Variants in RETSAT observed in about 807,000 individuals in gnomAD.
The protein encoded by RETSAT is retinol saturase.
In RETSAT, 35 loss-of-function variants were observed where a neutral mutation model predicts 61.6. The ratio of observed to expected loss-of-function variants is 0.57; its 90% confidence interval spans 0.43 to 0.75. The LOEUF (loss-of-function observed/expected upper bound fraction) is 0.75, where lower values mean the gene tolerates loss of function less well. RETSAT is among the 30% of genes least tolerant of loss of function. The pLI is 0.00. For missense variants in RETSAT, 670 were observed against 759.5 expected (o/e 0.88, Z 1.38); for synonymous variants, 277 against 310.4 (o/e 0.89, Z 1.13).
At chr2:85,351,885 TG>T (rs1558684251) in intron 1 of RETSAT, 23 bp from the exon 2 acceptor site, 1 of 1,607,708 alleles carries the variant, frequency 6.2e-7, no homozygotes, top group East Asian at 2.2e-5. Flanking sequence ...GGCCAAAGGG[TG>T]GGTTTCTCAG....
intron 2 of RETSAT, 112 bp from the exon 3 acceptor site, chr2:85,351,133 C>T (rs969848969): frequency 1.9e-5 from 25 of 1,291,966 alleles, no homozygotes; most frequent in Non-Finnish European, 2.7e-5. Context: ...AGTTCACGCC[C>T]AGAGTGAGCT....
chr2:85,347,352 C>A (rs1558682596), intron 5 of RETSAT, among the ~76,000 whole-genome samples: 1 of 152,172 alleles, frequency 6.6e-6, no homozygotes, highest in East Asian at 1.9e-4. Flanking sequence ...ATCCTGGCCT[C>A]CAAGTAGCTA....
chr2:85,351,106 T>C, intron 2 of RETSAT, 85 bp from the exon 3 acceptor site: 8 of 1,540,404 alleles, frequency 5.2e-6, no homozygotes, highest in Non-Finnish European at 7.1e-6. Flanking sequence ...GGTGGAAGAG[T>C]TTATCTGGCC....
intron 4 of RETSAT, 89 bp downstream of exon 4, chr2:85,349,951 G>C (rs1683269718): frequency 7.6e-7 from 1 of 1,318,974 alleles, no homozygotes; most frequent in African/African-American, 1.5e-5. Flanking sequence ...ATATCAGTCA[G>C]CCAGGCAGGG....
chr2:85,350,908 C>T lies in RETSAT; in HGVS notation c.469G>A (p.Val157Ile). 1 of 1,614,178 alleles carries T rather than the reference C, an allele frequency of 6.2e-7. No individual in the cohort carries two copies. Among genetic ancestry groups the T allele is most frequent in the South Asian group, 1.1e-5 (1 of 91,074 alleles). ...TTTCGGCCATTGGGCCCTTCCAGTACCATGATGTCAAAAGGAGAGGACAGG... is the reference window on the plus strand; with the variant it reads ...TTTCGGCCATTGGGCCCTTCCAGTATCATGATGTCAAAAGGAGAGGACAGG... ...APLSSPFDIM[V>I]LEGPNGRKEY... The change falls in exon 3 of 11, where the codon GTA (valine) becomes ATA (isoleucine). Residue 157 changes from valine (V) to isoleucine (I), a missense_variant. Coordinates refer to ENST00000295802, the MANE Select transcript of RETSAT (RefSeq NM_017750.4).
intron 5 of RETSAT, among the ~76,000 whole-genome samples, chr2:85,348,939 C>A (rs1051340183): frequency 1.3e-5 from 2 of 151,418 alleles, no homozygotes; most frequent in Non-Finnish European, 2.9e-5. Flanking sequence ...TTAGTAGAGA[C>A]GGGGTTTCAC....
Position 85,343,177 on chromosome 2 carries a change from T to C in RETSAT, c.*65A>G, listed in dbSNP as rs1457718743. On this transcript the variant is annotated 3_prime_UTR_variant, in exon 11 of 11. Coordinates refer to ENST00000295802, the MANE Select transcript of RETSAT (RefSeq NM_017750.4). ...GCAAGGAACTAATGCAGAAAGACAT[T>C]ATGGGTAAGTCAAGGGAGATGCCCC... The C allele has an allele frequency of 1.8e-5, 29 of 1,590,418 alleles. No homozygotes were observed. Among genetic ancestry groups the C allele is most frequent in the Non-Finnish European group, 2.2e-5 (26 of 1,164,060 alleles).
chr2:85,345,116 T>G (rs1338168784), intron 6 of RETSAT, among the ~76,000 whole-genome samples: 1 of 152,128 alleles, frequency 6.6e-6, no homozygotes, highest in Non-Finnish European at 1.5e-5. Context: ...ACCTCCCTGC[T>G]CTGCCCCTGG....
chr2:85,349,308 T>A, intron 5 of RETSAT, 76 bp downstream of exon 5: 10 of 1,418,660 alleles, frequency 7.0e-6, no homozygotes, highest in Non-Finnish European at 9.9e-6. Flanking sequence ...CTACTCCTTC[T>A]GGTCTCAGGG....
At position 85,345,966 on chromosome 2, in the gene RETSAT, G is replaced by T; in HGVS notation, c.1117+9C>A. 6.2e-7 allele frequency: 1 copy of T among 1,614,134 alleles called. No individual in the cohort carries two copies. The highest frequency in any genetic ancestry group is 8.5e-7 in the Non-Finnish European group (1 of 1,180,040). On this transcript the variant is annotated intron_variant, in intron 6 of 10. Transcript: ENST00000295802. ...CCTGCAAGAGGGGCAGTGCAGACCC[G>T]CCTTTTACCTGGCAGGCAGCGGGCG...
rs1448959225 is a variant in RETSAT at position 85,351,800 on chromosome 2, C to A, written c.235G>T (p.Gly79Cys). The change falls in exon 2 of 11, where the codon GGC becomes TGC. Residue 79 changes from glycine (G) to cysteine (C), a missense_variant. Coordinates refer to ENST00000295802, the MANE Select transcript of RETSAT (RefSeq NM_017750.4). ...DVVVIGSGFG[G>C]LAAAAILAKA... Reference sequence around the variant, plus strand: ...GCTAGAATTGCAGCTGCAGCCAGGCCCCCAAAGCCACTGCCAATTACCACC... The same window carrying A: ...GCTAGAATTGCAGCTGCAGCCAGGCACCCAAAGCCACTGCCAATTACCACC... 1 of 1,614,156 alleles carries A rather than the reference C, an allele frequency of 6.2e-7. No individual in the cohort carries two copies. Among genetic ancestry groups the A allele is most frequent in the Non-Finnish European group, 8.5e-7 (1 of 1,180,024 alleles).
At position 85,343,194 on chromosome 2, in the gene RETSAT, A is replaced by T. The variant is rs1452264654; in HGVS notation, c.*48T>A. On this transcript the variant is annotated 3_prime_UTR_variant, in exon 11 of 11. Transcript: ENST00000295802. Reference sequence around the variant, plus strand: ...AAAGACATTATGGGTAAGTCAAGGGAGATGCCCCAGCCATTGGGCAAATTC... The same window carrying T: ...AAAGACATTATGGGTAAGTCAAGGGTGATGCCCCAGCCATTGGGCAAATTC... 2 of 1,606,624 alleles carry T rather than the reference A, an allele frequency of 1.2e-6. No homozygotes were observed. Among genetic ancestry groups the T allele is most frequent in the East Asian group, 4.5e-5 (2 of 44,858 alleles).
At position 85,351,112 on chromosome 2, in the gene RETSAT, T is replaced by C; in HGVS notation, c.356-91A>G. 2.0e-6 allele frequency: 3 copies of C among 1,513,306 alleles called. No individual in the cohort carries two copies. The South Asian group carries it at 3.6e-5, about 18-fold the overall frequency. The allele number at this position is 1,513,306 out of a possible 1,614,324, so 93.7% of individuals were successfully genotyped here. ...AGGAAGTGAGGTGGAAGAGTTTATCTGGCCTGGCCAAGTTCACGCCCAGAG... is the reference window on the plus strand; with the variant it reads ...AGGAAGTGAGGTGGAAGAGTTTATCCGGCCTGGCCAAGTTCACGCCCAGAG... On this transcript the variant is annotated intron_variant, in intron 2 of 10. Transcript: ENST00000295802.
chr2:85,345,551 C>T (rs532538318), intron 6 of RETSAT: 1 of 346,096 alleles, frequency 2.9e-6, no homozygotes, highest in East Asian at 7.7e-5. Flanking sequence ...CAGCGGCCTC[C>T]CTTCCTCAGA....
chr2:85,346,139 G>A (rs1211755557), intron 5 of RETSAT, 45 bp from the exon 6 acceptor site: 1 of 1,584,376 alleles, frequency 6.3e-7, no homozygotes, highest in Non-Finnish European at 8.6e-7. Context: ...GCTCTGGGAT[G>A]AAGAGAAAGG....
At chr2:85,349,743 G>T in intron 4 of RETSAT, 162 bp from the exon 5 acceptor site, 1 of 683,180 alleles carries the variant, frequency 1.5e-6, no homozygotes, top group Non-Finnish European at 2.5e-6. Context: ...ATCTAGACAT[G>T]GGGTACCTTA....
Position 85,341,986 on chromosome 2 carries a change from A to G in RETSAT, c.*1256T>C. ...TATAATTACTTAATTTTATTTTTTT[A>G]AAGCTTATTTTGGTGTTATTCAGTA... On this transcript the variant is annotated 3_prime_UTR_variant, in exon 11 of 11. Transcript: ENST00000295802. The G allele has an allele frequency of 1.7e-6, 1 of 595,790 alleles. No individual in the cohort carries two copies. The highest frequency in any genetic ancestry group is 2.8e-5 in the East Asian group (1 of 35,552). 36.9% of individuals were successfully genotyped at this position (595,790 alleles called of 1,614,324 possible).
intron 1 of RETSAT, among the ~76,000 whole-genome samples, chr2:85,352,949 A>G (rs997963035): frequency 6.6e-6 from 1 of 152,220 alleles, no homozygotes; most frequent in Non-Finnish European, 1.5e-5. Flanking sequence ...TTCTTTAACA[A>G]TCACTGGCAA....
rs771406290 is a variant in RETSAT, at chr2:85,344,243, G to T, written c.1362C>A (p.Phe454Leu). ...SAKDPTWEDR[F>L]PGRSTMIMLI... The stretch of plus-strand genomic sequence containing the variant: ...ACCCGGGACGTGCAGCCCCACCTGG[G>T]AATCGGTCCTCCCAGGTCGGATCTT... The change falls in exon 8 of 11, where the codon TTC becomes TTA. Residue 454 changes from phenylalanine to leucine, a missense_variant. Transcript: ENST00000295802. The T allele has an allele frequency of 3.1e-6, 5 of 1,614,090 alleles. No individual in the cohort carries two copies. In the South Asian group the frequency reaches 5.5e-5, roughly 18 times the overall value.
Sources: allele counts gnomAD v4.1 joint callset (sites outside exome capture counted in the v4.1 genomes callset), GRCh38; gene constraint gnomAD v4.1.1; transcripts MANE v1.5; gene names NCBI Gene and HGNC (gene_info 2026-07-23, HGNC 2026-07-21).